LRTM1: variants seen among roughly 807,000 people sequenced by gnomAD.
LRTM1 encodes the protein leucine-rich repeat and transmembrane domain-containing protein 1.
LRTM1 carries 38 observed loss-of-function variants against 32.4 expected under a neutral mutation model. The ratio of observed to expected loss-of-function variants is 1.17; its 90% CI spans 0.91 to 1.54. LRTM1 has a LOEUF of 1.54. LRTM1 is among the 40% of genes most tolerant of loss of function. The probability of loss-of-function intolerance (pLI) is 0.00; values close to 1 mark genes in which losing one functional copy is unlikely to be tolerated. For missense variants in LRTM1, 466 were observed against 415.4 expected (o/e 1.12, Z -1.06); for synonymous variants, 186 against 169.9 (o/e 1.09, Z -0.74).
chr3:54,958,891 C>A (rs1286347296), intron 1 of LRTM1, among the ~76,000 whole-genome samples: 1 of 152,072 alleles, frequency 6.6e-6, no homozygotes, highest in Non-Finnish European at 1.5e-5. Context: ...ATTGCTTGAA[C>A]CCAGGAGTTT....
chr3:54,938,817 A>G (rs543997540), intron 1 of LRTM1, among the ~76,000 whole-genome samples: 5 of 152,342 alleles, frequency 3.3e-5, no homozygotes, highest in South Asian at 4.1e-4. Flanking sequence ...GGCTTGCGCT[A>G]GAAATATGAT....
intron 1 of LRTM1, among the ~76,000 whole-genome samples, chr3:54,958,131 G>A (rs1367145494): frequency 6.6e-6 from 1 of 152,236 alleles, no homozygotes; most frequent in East Asian, 1.9e-4. Context: ...CTAGTTGGAT[G>A]AGGATGAAAC....
At chr3:54,948,937 C>A (rs577708353) in intron 1 of LRTM1, among the ~76,000 whole-genome samples, 6 of 152,314 alleles carry the variant, frequency 3.9e-5, no homozygotes, top group East Asian at 1.9e-4. Flanking sequence ...TACATTGTTT[C>A]ATGTAACTAA....
chr3:54,953,528 A>G (rs1385815105), intron 1 of LRTM1, among the ~76,000 whole-genome samples: 1 of 152,168 alleles, frequency 6.6e-6, no homozygotes, highest in South Asian at 2.1e-4. Flanking sequence ...CGTAGAGGAA[A>G]AGTACCAGTC....
chr3:54,939,183 A>G (rs1019807731), intron 1 of LRTM1, among the ~76,000 whole-genome samples: 21 of 152,224 alleles, frequency 1.4e-4, no homozygotes, highest in Non-Finnish European at 1.8e-4. Context: ...ACAACCTTCC[A>G]GAAGTTCTCA....
chr3:54,944,513 C>T (rs967671288), intron 1 of LRTM1, among the ~76,000 whole-genome samples: 1 of 152,036 alleles, frequency 6.6e-6, no homozygotes, highest in Non-Finnish European at 1.5e-5. Context: ...CTCTGCCTCC[C>T]GGGTTCACGC....
Position 54,933,109 on chromosome 3 carries a change from CTTCCTTCTTTCT to C in LRTM1, c.-221-7906_-221-7895del, listed in dbSNP as rs1387266906. 5.2e-3 allele frequency among the ~76,000 whole-genome samples: 527 copies of C among 102,084 alleles called. 6 individuals are homozygous for C. The highest frequency in any genetic ancestry group is 0.01 in the South Asian group (34 of 3,308). 67.0% of individuals were successfully genotyped at this position (102,084 alleles called of 152,430 possible). Reference sequence around the variant, plus strand: ...CCTTCCTTCCTTCCTTCCTTCCTTCCTTCCTTCTTTCTGGACCTCTGCCTTTGGATTTACTAT... The same window carrying C: ...CCTTCCTTCCTTCCTTCCTTCCTTCCGGACCTCTGCCTTTGGATTTACTAT... On this transcript the variant is annotated intron_variant, in intron 1 of 2. Transcript: ENST00000493075.
intron 2 of LRTM1, among the ~76,000 whole-genome samples, chr3:54,920,541 G>A (rs891627871): frequency 1.3e-5 from 2 of 152,174 alleles, no homozygotes; most frequent in Non-Finnish European, 2.9e-5. Flanking sequence ...GAGGCCAGAG[G>A]TTCAGAGCAG....
intron 1 of LRTM1, among the ~76,000 whole-genome samples, chr3:54,963,657 A>C (rs766108140): frequency 6.6e-6 from 1 of 152,138 alleles, no homozygotes; most frequent in African/African-American, 2.4e-5. Context: ...CAAATGGTCT[A>C]TGTGTTTTGG....
chr3:54,939,800 T>C lies in LRTM1; in HGVS notation c.-221-14585A>G, dbSNP rs868011442. On this transcript the variant is annotated intron_variant, in intron 1 of 2. Coordinates refer to the LRTM1 transcript ENST00000493075. ...GTAGCGGGAGAAGCATGGCATTTTG[T>C]GGGCCTGCTCCTGCCCTTCGGCCCA... 2.0e-5 allele frequency among the ~76,000 whole-genome samples: 3 copies of C among 152,356 alleles called. No individual in the cohort carries two copies. In the Middle Eastern group the frequency reaches 0.01, roughly 518 times the overall value.
At chr3:54,966,945 ACTCAGCAT>A (rs1702166974) in exon 1 of LRTM1, 1 of 152,208 alleles carries the variant, frequency 6.6e-6, no homozygotes. Context: ...TCGTCTGTGT[ACTCAGCAT>A]CTTGCTGGAG....
chr3:54,918,483 C>G lies in LRTM1; in HGVS notation c.1014G>C (p.Glu338Asp). 6.2e-7 allele frequency: 1 copy of G among 1,605,628 alleles called. No homozygotes were observed. The stretch of plus-strand genomic sequence containing the variant: ...CTCAGGCTGGTGAGCTGTCAAATCG[C>G]TCTTTTTCTTCCACCTTCCCAGGAT... ...TNDPGKVEEK[E>D]RFDSSPA is the part of the protein sequence containing the mutation. Residue 338 changes from glutamate to aspartate, a missense_variant, in exon 3 of 3, where the codon GAG becomes GAC. Glu to Asp is a conservative substitution (Grantham distance 45). Coordinates refer to ENST00000273286, the MANE Select transcript of LRTM1 (RefSeq NM_020678.4).
rs1390856801 is a variant in LRTM1 at position 54,924,525 on chromosome 3, C to T, written c.604+94G>A. The T allele has an allele frequency of 4.7e-6, 5 of 1,059,174 alleles. No homozygotes were observed. In the African/African-American group the frequency reaches 4.7e-5, roughly 10 times the overall value. The allele number at this position is 1,059,174 out of a possible 1,614,324, so 65.6% of individuals were successfully genotyped here. ...TAAAAGCCCAAATCCACCCCTTACA[C>T]ACTCCTCCACATTCTTTCTAATGCA... On this transcript the variant is annotated intron_variant, in intron 2 of 2. Coordinates refer to ENST00000273286, the MANE Select transcript of LRTM1 (RefSeq NM_020678.4).
At chr3:54,922,164 T>C (rs759154204) in intron 2 of LRTM1, among the ~76,000 whole-genome samples, 5 of 152,106 alleles carry the variant, frequency 3.3e-5, no homozygotes, top group African/African-American at 4.8e-5. Context: ...GAATGGGCCG[T>C]AGGAACTCCC....
chr3:54,927,977 A>G lies in LRTM1; in HGVS notation c.-66T>C, dbSNP rs1701074805. On this transcript the variant is annotated 5_prime_UTR_variant, in exon 1 of 3. Coordinates refer to ENST00000273286, the MANE Select transcript of LRTM1 (RefSeq NM_020678.4). ...CTTTAATTAATGTGCAGAGCAACAC[A>G]CGAAGGGCATGGCAGACTCAGAGCC... 1.3e-6 allele frequency: 2 copies of G among 1,515,758 alleles called. No homozygotes were observed. Among genetic ancestry groups the G allele is most frequent in the Non-Finnish European group, 1.8e-6 (2 of 1,091,684 alleles). 93.9% of individuals were successfully genotyped at this position (1,515,758 alleles called of 1,614,324 possible). A position where few individuals can be genotyped will look rare whatever the true frequency, so the allele number is the denominator to read the frequency against.
chr3:54,946,119 G>A (rs1166170566), intron 1 of LRTM1, among the ~76,000 whole-genome samples: 1 of 152,210 alleles, frequency 6.6e-6, no homozygotes, highest in Non-Finnish European at 1.5e-5. Context: ...TGATGTGCCT[G>A]TCCTGAAAGA....
chr3:54,950,242 A>C (rs977573854), intron 1 of LRTM1, among the ~76,000 whole-genome samples: 1 of 152,214 alleles, frequency 6.6e-6, no homozygotes, highest in African/African-American at 2.4e-5. Context: ...TGTTTTGTCA[A>C]ATTTCTTAAA....
upstream of LRTM1, among the ~76,000 whole-genome samples, chr3:54,932,898 C>T (rs569531106): frequency 5.3e-5 from 8 of 152,154 alleles, no homozygotes; most frequent in East Asian, 1.9e-4. Context: ...GCAGAAATTT[C>T]GTTTGGTTAG....
intron 1 of LRTM1, among the ~76,000 whole-genome samples, chr3:54,966,020 A>G (rs529290447): frequency 6.6e-6 from 1 of 152,136 alleles, no homozygotes. Context: ...GGGGTAGAGG[A>G]CCGACAGGGG....
Sources: allele counts gnomAD v4.1 joint callset (sites outside exome capture counted in the v4.1 genomes callset), GRCh38; gene constraint gnomAD v4.1.1; transcripts MANE v1.5; gene names NCBI Gene and HGNC (gene_info 2026-07-23, HGNC 2026-07-21).